Variants in MCCC2 observed in about 807,000 individuals in gnomAD.
MCCC2 encodes methylcrotonoyl-CoA carboxylase beta chain, mitochondrial.
A neutral mutation model predicts 77.2 loss-of-function variants in MCCC2; 52 were observed. That is an observed-to-expected ratio of 0.67 (90% confidence interval 0.54 to 0.85). The LOEUF is 0.85. Among genes scored for constraint, MCCC2 ranks in the 40% least tolerant of loss-of-function variants. The pLI is 0.00. For missense variants in MCCC2, 682 were observed against 703.2 expected (o/e 0.97, Z 0.34); for synonymous variants, 253 against 248.4 (o/e 1.02, Z -0.18).
intron 9 of MCCC2, 34 bp downstream of exon 9, chr5:71,635,076 C>T (rs771986443): frequency 6.2e-7 from 1 of 1,612,782 alleles, no homozygotes; most frequent in Non-Finnish European, 8.5e-7. Flanking sequence ...CTTTTATTTT[C>T]CTGAAATGCA....
rs781291992 is a variant in MCCC2 at position 71,602,581 on chromosome 5, AT to A, written c.461del (p.Leu154TyrfsTer17). The stretch of plus-strand genomic sequence containing the variant: ...ACTACCCAGTGACTGTGAAAAAACA[AT>A]TACGGGCCCAAGAAATTGCCATGCA... ...AYYPVTVKKQ[L>X]RAQEIAMQNR... is the part of the protein sequence containing the mutation. On this transcript the variant is annotated frameshift_variant, in exon 5 of 17. Coordinates refer to ENST00000340941, the MANE Select transcript of MCCC2 (RefSeq NM_022132.5). LOFTEE classifies it high-confidence loss of function. 2 of 1,614,088 alleles carry A rather than the reference AT, an allele frequency of 1.2e-6. No homozygotes were observed. The highest frequency in any genetic ancestry group is 2.7e-5 in the African/African-American group (2 of 74,940).
rs933765748 is a variant in MCCC2 at position 71,658,400 on chromosome 5, A to G, written c.*1540A>G. 6.6e-6 allele frequency: 1 copy of G among 152,126 alleles called. No individual in the cohort carries two copies. The highest frequency in any genetic ancestry group is 2.4e-5 in the African/African-American group (1 of 41,404). 9.4% of individuals were successfully genotyped at this position (152,126 alleles called of 1,614,324 possible). ...TGTCTCTGTGACCTCCCTGTGCTGGATTAGCTTCCCTACTCTATGCTCTTG... is the reference window on the plus strand; with the variant it reads ...TGTCTCTGTGACCTCCCTGTGCTGGGTTAGCTTCCCTACTCTATGCTCTTG... On this transcript the variant is annotated 3_prime_UTR_variant, in exon 17 of 17. Coordinates refer to ENST00000340941, the MANE Select transcript of MCCC2 (RefSeq NM_022132.5).
chr5:71,612,970 C>T (rs1214414749), intron 6 of MCCC2, among the ~76,000 whole-genome samples: 1 of 152,198 alleles, frequency 6.6e-6, no homozygotes, highest in Non-Finnish European at 1.5e-5. Context: ...CATTCTGTTC[C>T]TTTCCTAGCC....
Position 71,592,020 on chromosome 5 carries a change from C to T in MCCC2, c.130-906C>T, listed in dbSNP as rs71624261. Among the ~76,000 whole-genome samples the T allele has an allele frequency of 5.6e-4, 85 of 152,254 alleles. 1 individual carries two copies. The highest frequency in any genetic ancestry group is 1.7e-3 in the African/African-American group (72 of 41,554). On this transcript the variant is annotated intron_variant, in intron 1 of 16. Transcript: ENST00000340941. ...TGGGCTTAAGCGATGCTCCTGCCTC[C>T]GCCTTCCAAAGCTCTGGGATAACAG...
At chr5:71,599,853 G>A (rs1745353917) in intron 4 of MCCC2, 93 bp downstream of exon 4, 5 of 955,300 alleles carry the variant, frequency 5.2e-6, no homozygotes, top group South Asian at 1.3e-5. Flanking sequence ...ATTAGCATGC[G>A]ATTTGTATGC....
Position 71,597,406 on chromosome 5 carries a change from G to A in MCCC2, c.281+1042G>A, listed in dbSNP as rs796621049. 3.3e-5 allele frequency among the ~76,000 whole-genome samples: 5 copies of A among 152,312 alleles called. 1 individual carries two copies. Among genetic ancestry groups the A allele is most frequent in the African/African-American group, 1.2e-4 (5 of 41,566 alleles). ...CAGGAGATGATTATGATCTGACATA[G>A]CTTAAAAGAGTGCTTCTGGCTGCTG... On this transcript the variant is annotated intron_variant, in intron 3 of 16. Transcript: ENST00000340941.
At chr5:71,612,788 C>T (rs1454558358) in intron 6 of MCCC2, among the ~76,000 whole-genome samples, 1 of 152,238 alleles carries the variant, frequency 6.6e-6, no homozygotes, top group Non-Finnish European at 1.5e-5. Flanking sequence ...TGGTATGTTG[C>T]TCCAGCTGGT....
chr5:71,648,092 A>G (rs975649643), intron 13 of MCCC2, among the ~76,000 whole-genome samples: 18 of 152,220 alleles, frequency 1.2e-4, no homozygotes, highest in African/African-American at 4.3e-4. Context: ...CAGGAAGCAG[A>G]TGGTGCCAAG....
chr5:71,606,392 T>G (rs1745677740), intron 6 of MCCC2, among the ~76,000 whole-genome samples: 1 of 152,134 alleles, frequency 6.6e-6, no homozygotes, highest in East Asian at 1.9e-4. Flanking sequence ...TTGTTGGTAT[T>G]TAAGAATGCT....
chr5:71,607,075 A>G lies in MCCC2; in HGVS notation c.624+2607A>G, dbSNP rs940320545. Among the ~76,000 whole-genome samples the G allele has an allele frequency of 3.5e-4, 53 of 151,800 alleles. 1 individual carries two copies. Among genetic ancestry groups the G allele is most frequent in the African/African-American group, 1.2e-3 (50 of 41,396 alleles). ...GTCTCTGCCCGGCTTTGGTATCAGA[A>G]TGATGCTGGCCTCATAAAATGAGTT... is the stretch of plus-strand genomic sequence containing the variant. On this transcript the variant is annotated intron_variant, in intron 6 of 16. Transcript: ENST00000340941.
At chr5:71,632,285 G>A (rs902280403) in intron 8 of MCCC2, 100 bp downstream of exon 8, 3 of 1,051,220 alleles carry the variant, frequency 2.9e-6, no homozygotes, top group Non-Finnish European at 4.5e-6. Flanking sequence ...AAACTTGCCA[G>A]ACCACACCAC....
At chr5:71,635,460 A>G in intron 10 of MCCC2, 1 of 620,980 alleles carries the variant, frequency 1.6e-6, no homozygotes, top group Middle Eastern at 4.4e-4. Flanking sequence ...GGGGACCTCA[A>G]TGATTGGAAA....
chr5:71,634,308 T>C (rs1217766222), intron 8 of MCCC2, among the ~76,000 whole-genome samples: 2 of 152,176 alleles, frequency 1.3e-5, no homozygotes, highest in Admixed American at 1.3e-4. Flanking sequence ...AACAGGAACT[T>C]CCATGGCCCC....
Position 71,587,484 on chromosome 5 carries a change from C to T in MCCC2, c.59C>T (p.Pro20Leu), listed in dbSNP as rs1397527099. 1.3e-6 allele frequency: 2 copies of T among 1,537,124 alleles called. No individual in the cohort carries two copies. The highest frequency in any genetic ancestry group is 1.7e-6 in the Non-Finnish European group (2 of 1,146,326). ...TGTGCCCGCGCCTCTCCCGCCGGGC[C>T]GCGCGCCTATCACGGGGACTCGGTG... The part of the protein sequence containing the change: ...RPCARASPAG[P>L]RAYHGDSVAS... Residue 20 changes from proline to leucine, a missense_variant, in exon 1 of 17, where the codon CCG becomes CTG. Pro to Leu is a moderately conservative substitution (Grantham distance 98). Transcript: ENST00000340941.
chr5:71,604,406 C>A lies in MCCC2; in HGVS notation c.562C>A (p.Arg188=). ...LPRQADVFPD[R]DHFGRTFYNQ... is the part of the protein sequence containing the mutation. ...TCGACAAGCAGATGTGTTTCCAGAT[C>A]GAGACCACTTTGGCCGTACATTCTA... Residue 188 remains arginine, a synonymous_variant, in exon 6 of 17, where the codon CGA becomes AGA. Transcript: ENST00000340941. 1 of 1,614,056 alleles carries A rather than the reference C, an allele frequency of 6.2e-7. No individual in the cohort carries two copies. The highest frequency in any genetic ancestry group is 8.5e-7 in the Non-Finnish European group (1 of 1,180,026).
At chr5:71,622,335 A>C (rs1001194179) in intron 6 of MCCC2, among the ~76,000 whole-genome samples, 1 of 151,970 alleles carries the variant, frequency 6.6e-6, no homozygotes, top group African/African-American at 2.4e-5. Flanking sequence ...TACCCCCAAA[A>C]ATTAAAAATA....
In MCCC2 at chr5:71,649,244, GAGCA is replaced by G; in HGVS notation, c.1365_1368del (p.Arg455SerfsTer17). 6.2e-7 allele frequency: 1 copy of G among 1,613,976 alleles called. No individual in the cohort carries two copies. Among genetic ancestry groups the G allele is most frequent in the East Asian group, 2.2e-5 (1 of 44,886 alleles). On this transcript the variant is annotated frameshift_variant, in exon 14 of 17. Transcript: ENST00000340941. LOFTEE classifies it high-confidence loss of function. The stretch of plus-strand genomic sequence containing the variant: ...GCCGGAAACTATGGGATGTGTGGCA[GAGCA>G]TATAGGTAGGTGTCATGATTTTCTC...
At chr5:71,633,090 T>TA (rs1172400991) in intron 8 of MCCC2, among the ~76,000 whole-genome samples, 11 of 53,446 alleles carry the variant, frequency 2.1e-4, no homozygotes, top group African/African-American at 7.6e-4. Context: ...TTTTTTCAGT[T>TA]TTATATATAT....
intron 12 of MCCC2, among the ~76,000 whole-genome samples, chr5:71,644,124 G>A (rs1365289384): frequency 6.7e-6 from 1 of 150,228 alleles, no homozygotes; most frequent in African/African-American, 2.4e-5. Flanking sequence ...AGTTTTTATG[G>A]TGGTTTACAT....
Sources: allele counts gnomAD v4.1 joint callset (sites outside exome capture counted in the v4.1 genomes callset), GRCh38; gene constraint gnomAD v4.1.1; transcripts MANE v1.5; gene names NCBI Gene and HGNC (gene_info 2026-07-23, HGNC 2026-07-21).